Variants in ABLIM1 observed in about 807,000 individuals in gnomAD.
ABLIM1 encodes the protein actin binding LIM protein 1.
ABLIM1 carries 40 observed loss-of-function variants against 107.0 expected under a neutral mutation model. That is an observed-to-expected ratio of 0.37 (90% CI 0.29 to 0.49). The LOEUF (loss-of-function observed/expected upper bound fraction) is 0.49, where lower values mean the gene tolerates loss of function less well. ABLIM1 is among the 20% of genes least tolerant of loss of function. The probability of loss-of-function intolerance (pLI) is 0.97; values close to 1 mark genes in which losing one functional copy is unlikely to be tolerated. For missense variants in ABLIM1, 857 were observed against 1,008.5 expected (o/e 0.85, Z 2.04); for synonymous variants, 357 against 357.3 (o/e 1.00, Z 0.01).
Position 114,654,269 on chromosome 10 carries a change from G to A in ABLIM1, c.244+3688C>T, listed in dbSNP as rs534051947. ...TTCACAGCATGGAAGGCAAACAATA[G>A]AAATTATTTTTAACAATAATAAACA... is the stretch of plus-strand genomic sequence containing the variant. On this transcript the variant is annotated intron_variant, in intron 1 of 22. Coordinates refer to ENST00000533213, the MANE Select transcript of ABLIM1 (RefSeq NM_002313.7). Among the ~76,000 whole-genome samples, 24 of 152,274 alleles carry A rather than the reference G, an allele frequency of 1.6e-4. No individual in the cohort carries two copies. The South Asian group carries it at 5.0e-3, about 32-fold the overall frequency.
intron 9 of ABLIM1, 94 bp from the exon 10 acceptor site, chr10:114,473,226 G>T: frequency 1.5e-6 from 2 of 1,328,986 alleles, no homozygotes; most frequent in South Asian, 1.6e-5. Context: ...AAAAGTGAAG[G>T]CCTTAAAATA....
chr10:114,773,418 T>G, the ABLIM1 span, among the ~76,000 whole-genome samples: 4,925 of 152,222 alleles, frequency 0.032, 107 homozygotes, highest in Middle Eastern at 0.048. Flanking sequence ...CCTATAATTG[T>G]TCATTTAAAA....
intron 2 of ABLIM1, among the ~76,000 whole-genome samples, chr10:114,576,330 A>T (rs2072538903): frequency 6.6e-6 from 1 of 152,146 alleles, no homozygotes; most frequent in Non-Finnish European, 1.5e-5. Context: ...AGGTCACAAC[A>T]ATTTGTCTGC....
intron 1 of ABLIM1, among the ~76,000 whole-genome samples, chr10:114,683,263 G>C (rs1337846160): frequency 6.6e-6 from 1 of 152,214 alleles, no homozygotes; most frequent in Non-Finnish European, 1.5e-5. Context: ...CTATTCTAAT[G>C]TTTGTCAACT....
chr10:114,652,500 G>T (rs2079297030), intron 1 of ABLIM1, among the ~76,000 whole-genome samples: 1 of 152,210 alleles, frequency 6.6e-6, no homozygotes, highest in Non-Finnish European at 1.5e-5. Context: ...CACCTGGTGT[G>T]CTGCATGTAA....
At chr10:114,787,552 G>A in the ABLIM1 span, among the ~76,000 whole-genome samples, 5 of 146,256 alleles carry the variant, frequency 3.4e-5, no homozygotes, top group Admixed American at 6.7e-5. Flanking sequence ...CCCCCCGCCC[G>A]GCCAGCCACC....
intron 14 of ABLIM1, among the ~76,000 whole-genome samples, chr10:114,449,434 A>G (rs1194147960): frequency 6.6e-6 from 1 of 152,194 alleles, no homozygotes; most frequent in Non-Finnish European, 1.5e-5. Context: ...AAGGTCACCC[A>G]ATACAAAGGG....
intron 6 of ABLIM1, among the ~76,000 whole-genome samples, chr10:114,536,528 G>A (rs989843460): frequency 1.9e-4 from 29 of 152,170 alleles, no homozygotes; most frequent in Admixed American, 1.4e-3. Context: ...GATTACAGGC[G>A]TGAGCCACCG....
At chr10:114,742,467 A>C (rs2082306799) in intron 1 of ABLIM1, among the ~76,000 whole-genome samples, 1 of 152,230 alleles carries the variant, frequency 6.6e-6, no homozygotes, top group Non-Finnish European at 1.5e-5. Context: ...ATTTATAAGC[A>C]AAACAAAGAT....
chr10:114,613,130 C>G (rs185152496), intron 1 of ABLIM1, among the ~76,000 whole-genome samples: 68 of 152,240 alleles, frequency 4.5e-4, no homozygotes, highest in African/African-American at 1.4e-3. Context: ...TTCAAACAAA[C>G]TAATGAAAAA....
intron 1 of ABLIM1, among the ~76,000 whole-genome samples, chr10:114,704,335 T>TATATATATATATATATATATATA (rs3061769): frequency 2.4e-5 from 2 of 83,444 alleles, no homozygotes; most frequent in Non-Finnish European, 5.1e-5. Flanking sequence ...TATATATATA[T>TATATATATATATATATATATATA]TGCGCGCGTT....
chr10:114,777,003 T>G, the ABLIM1 span, among the ~76,000 whole-genome samples: 4 of 152,336 alleles, frequency 2.6e-5, no homozygotes, highest in East Asian at 5.8e-4. Flanking sequence ...TAGGTTGCAC[T>G]TGTCTTTTAA....
At chr10:114,597,557 G>C (rs2075549731) in intron 2 of ABLIM1, among the ~76,000 whole-genome samples, 1 of 149,612 alleles carries the variant, frequency 6.7e-6, no homozygotes, top group African/African-American at 2.5e-5. Flanking sequence ...GGAATGAGAA[G>C]GGAAGAAAAG....
At chr10:114,520,838 C>T (rs1239096982) in intron 6 of ABLIM1, among the ~76,000 whole-genome samples, 4 of 151,746 alleles carry the variant, frequency 2.6e-5, no homozygotes, top group Non-Finnish European at 5.9e-5. Context: ...ATTAGCTGGG[C>T]ATGATGGCAT....
chr10:114,575,392 C>A, intron 3 of ABLIM1, 24 bp downstream of exon 3: 1 of 1,609,322 alleles, frequency 6.2e-7, no homozygotes, highest in South Asian at 1.1e-5. Context: ...AAGGTGTAGG[C>A]TTTGGAAAGA....
Position 114,619,203 on chromosome 10 carries a change from C to CTT in ABLIM1, c.245-17244_245-17243dup, listed in dbSNP as rs201796705. 8.7e-4 allele frequency among the ~76,000 whole-genome samples: 122 copies of CTT among 139,468 alleles called. No homozygotes were observed. The highest frequency in any genetic ancestry group is 2.5e-3 in the African/African-American group (97 of 38,278). 91.5% of individuals were successfully genotyped at this position (139,468 alleles called of 152,430 possible). ...TTTTTTCTTTCTCTTTCTTTCTTTT[C>CTT]TTTTTTTTTTTGAGACAGTGTCTTG... On this transcript the variant is annotated intron_variant, in intron 1 of 22. Transcript: ENST00000533213. The surrounding 1 kb of genome is among the most constrained non-coding windows in gnomAD (Gnocchi z 4.1).
At chr10:114,643,579 C>CTTTTTTT (rs34191046) in intron 1 of ABLIM1, among the ~76,000 whole-genome samples, 3 of 136,746 alleles carry the variant, frequency 2.2e-5, no homozygotes, top group African/African-American at 8.1e-5. Context: ...TATCCAGATT[C>CTTTTTTT]TTTTTTTTTT....
intron 1 of ABLIM1, among the ~76,000 whole-genome samples, chr10:114,698,605 G>T (rs2081243837): frequency 6.6e-6 from 1 of 152,022 alleles, no homozygotes; most frequent in Non-Finnish European, 1.5e-5. Context: ...TGACAAAATA[G>T]CTAGACATAC....
intron 14 of ABLIM1, among the ~76,000 whole-genome samples, chr10:114,448,947 T>C (rs1364214244): frequency 1.3e-5 from 2 of 152,218 alleles, no homozygotes; most frequent in African/African-American, 4.8e-5. Flanking sequence ...ACTAAATACA[T>C]GTGTCCTTGA....
Sources: gnomAD v4.1 joint callset for allele counts (sites outside exome capture counted in the v4.1 genomes callset) on GRCh38, gnomAD v4.1.1 for gene constraint, Gnocchi (gnomAD v3.1) non-coding constraint, MANE v1.5 for transcripts, NCBI Gene and HGNC (gene_info 2026-07-23, HGNC 2026-07-21) for gene names.